SLC25A48: variants seen among roughly 807,000 people sequenced by gnomAD.
SLC25A48 encodes the protein solute carrier family 25 member 48.
Under a neutral mutation model 32.2 loss-of-function variants are expected in SLC25A48, and 29 were observed. That is an observed-to-expected ratio of 0.90 (90% confidence interval 0.67 to 1.23). The LOEUF is 1.23. Among genes scored for constraint, SLC25A48 ranks in the 50% most tolerant of loss-of-function variants. The probability of loss-of-function intolerance (pLI) is 0.00; values close to 1 mark genes in which losing one functional copy is unlikely to be tolerated. For synonymous variants in SLC25A48, 164 were observed against 172.3 expected (o/e 0.95, Z 0.38); for missense variants, 399 against 422.7 (o/e 0.94, Z 0.49).
chr5:135,810,228 A>G (rs1362697741), intron 3 of SLC25A48, among the ~76,000 whole-genome samples: 1 of 152,204 alleles, frequency 6.6e-6, no homozygotes, highest in South Asian at 2.1e-4. Flanking sequence ...GATTGAATTC[A>G]CTGGCTAAAC....
chr5:135,711,308 G>T (rs572878540), intron 3 of SLC25A48, among the ~76,000 whole-genome samples: 1 of 152,344 alleles, frequency 6.6e-6, no homozygotes, highest in Non-Finnish European at 1.5e-5. Context: ...GAGATAGTCA[G>T]TCATATTCCA....
At chr5:135,825,981 T>G (rs1054665669) in intron 4 of SLC25A48, 1 of 152,320 alleles carries the variant, frequency 6.6e-6, no homozygotes, top group African/African-American at 2.4e-5. Flanking sequence ...ACCCACTGAC[T>G]GTCGAGGGAT....
At chr5:135,841,323 C>T (rs1758968376) in intron 1 of SLC25A48, among the ~76,000 whole-genome samples, 1 of 152,164 alleles carries the variant, frequency 6.6e-6, no homozygotes, top group African/African-American at 2.4e-5. Flanking sequence ...TACGTGATTT[C>T]CACACATTTT....
chr5:135,875,994 T>C (rs981930560), intron 6 of SLC25A48: 1 of 152,196 alleles, frequency 6.6e-6, no homozygotes, highest in Non-Finnish European at 1.5e-5. Flanking sequence ...GTTTTAAGGA[T>C]GGAGAAACTC....
At chr5:135,761,664 C>A (rs1219955463) in intron 3 of SLC25A48, among the ~76,000 whole-genome samples, 1 of 152,204 alleles carries the variant, frequency 6.6e-6, no homozygotes, top group Non-Finnish European at 1.5e-5. Context: ...TCGTCCATCA[C>A]CAGAAGATTG....
At chr5:135,773,681 C>T (rs1412301730) in intron 3 of SLC25A48, among the ~76,000 whole-genome samples, 3 of 151,408 alleles carry the variant, frequency 2.0e-5, no homozygotes, top group African/African-American at 7.3e-5. Flanking sequence ...TTCTAATATC[C>T]AGGAAGGGAG....
chr5:135,852,514 G>A (rs1759955798), intron 3 of SLC25A48, 49 bp from the exon 4 acceptor site: 4 of 1,551,490 alleles, frequency 2.6e-6, no homozygotes, highest in African/African-American at 1.4e-5. Flanking sequence ...CAGGCTCTGC[G>A]ACGGCAGCCC....
rs147785914 is a variant in SLC25A48 at position 135,880,641 on chromosome 5, A to T, written c.*7+544A>T. Among the ~76,000 whole-genome samples the T allele has an allele frequency of 6.0e-3, 918 of 152,236 alleles. 10 individuals are homozygous for T. Among genetic ancestry groups the T allele is most frequent in the African/African-American group, 0.02 (851 of 41,528 alleles). ...GTAGCCTGAGGACTCTTCTAAAGAC[A>T]GCAGTCTGACTCCTGTGCTCACATG... On this transcript the variant is annotated intron_variant, in intron 7 of 7. Coordinates refer to ENST00000681962, the MANE Select transcript of SLC25A48 (RefSeq NM_001349336.2).
At chr5:135,757,907 C>T (rs1329537850) in intron 3 of SLC25A48, among the ~76,000 whole-genome samples, 1 of 150,166 alleles carries the variant, frequency 6.7e-6, no homozygotes, top group African/African-American at 2.4e-5. Flanking sequence ...TAGGGTTACA[C>T]AATGTTACAC....
intron 6 of SLC25A48, among the ~76,000 whole-genome samples, chr5:135,879,586 G>C (rs9688008): frequency 0.065 from 8,505 of 130,070 alleles, 603 homozygotes; most frequent in African/African-American, 0.2. Flanking sequence ...TTCCCGAGGA[G>C]AGAGAGAGAG....
chr5:135,691,350 G>C (rs1293901066), intron 3 of SLC25A48, among the ~76,000 whole-genome samples: 1 of 152,192 alleles, frequency 6.6e-6, no homozygotes, highest in Non-Finnish European at 1.5e-5. Context: ...TAAAAAGCAC[G>C]GGTTGTATGG....
chr5:135,704,610 C>T (rs58570381), intron 3 of SLC25A48, among the ~76,000 whole-genome samples: 4,367 of 152,090 alleles, frequency 0.029, 191 homozygotes, highest in African/African-American at 0.098. Flanking sequence ...TTACTGTGTT[C>T]CAGGAAGTAT....
chr5:135,612,517 T>A (rs1752096897), intron 1 of SLC25A48, among the ~76,000 whole-genome samples: 1 of 152,184 alleles, frequency 6.6e-6, no homozygotes, highest in African/African-American at 2.4e-5. Flanking sequence ...CCACCTCTTT[T>A]CATCTCTCCA....
intron 4 of SLC25A48, among the ~76,000 whole-genome samples, chr5:135,814,563 G>A (rs537731013): frequency 1.3e-5 from 2 of 152,290 alleles, no homozygotes; most frequent in African/African-American, 2.4e-5. Flanking sequence ...TCTAGATGGT[G>A]CAGTCTGTCT....
At chr5:135,795,259 C>A (rs1242470491) in intron 3 of SLC25A48, among the ~76,000 whole-genome samples, 1 of 151,770 alleles carries the variant, frequency 6.6e-6, no homozygotes, top group Non-Finnish European at 1.5e-5. Context: ...AAGGTGTACA[C>A]CCCACCTTGT....
intron 3 of SLC25A48, among the ~76,000 whole-genome samples, chr5:135,709,573 C>T (rs892916952): frequency 2.0e-5 from 3 of 152,174 alleles, no homozygotes; most frequent in Non-Finnish European, 2.9e-5. Context: ...TGAAGCAGGG[C>T]GCCGTGGACC....
intron 3 of SLC25A48, among the ~76,000 whole-genome samples, chr5:135,811,639 G>C (rs1757592156): frequency 1.3e-5 from 2 of 152,200 alleles, no homozygotes; most frequent in Non-Finnish European, 2.9e-5. Context: ...AATTTCAAAA[G>C]ATCAGGTTTT....
chr5:135,847,706 G>A lies in SLC25A48; in HGVS notation c.91-2719G>A, dbSNP rs1418946579. Among the ~76,000 whole-genome samples the A allele has an allele frequency of 2.0e-5, 3 of 152,258 alleles. No homozygotes were observed. The East Asian group carries it at 5.8e-4, about 29-fold the overall frequency. On this transcript the variant is annotated intron_variant, in intron 2 of 7. Transcript: ENST00000681962. ...AGAGAAGAGGAGCCATGATGCTGGG[G>A]CTCCGGGAAAGAGGGTGAACCCCAA...
upstream of SLC25A48, among the ~76,000 whole-genome samples, chr5:135,831,106 C>G (rs1178664053): frequency 1.3e-5 from 2 of 152,078 alleles, no homozygotes; most frequent in African/African-American, 4.8e-5. Flanking sequence ...AGGGAGTGAT[C>G]AGTGCAAAAG....
Sources: gnomAD v4.1 joint callset for allele counts (sites outside exome capture counted in the v4.1 genomes callset) on GRCh38, gnomAD v4.1.1 for gene constraint, MANE v1.5 for transcripts, NCBI Gene and HGNC (gene_info 2026-07-23, HGNC 2026-07-21) for gene names.